Variants in LAMP2 observed in about 807,000 individuals in gnomAD.
LAMP2 encodes lysosome associated membrane protein 2, also known as lysosome-associated membrane glycoprotein 2.
A neutral mutation model predicts 25.6 loss-of-function variants in LAMP2; 4 were observed. That is an observed-to-expected ratio of 0.16 (90% CI 0.08 to 0.36). The LOEUF (loss-of-function observed/expected upper bound fraction) is 0.36, where lower values mean the gene tolerates loss of function less well. LAMP2 is among the 10% of genes least tolerant of loss of function. The pLI, the probability that LAMP2 is intolerant of heterozygous loss-of-function variation, is 1.00. For missense variants in LAMP2, 272 were observed against 301.4 expected, an observed-to-expected ratio of 0.90 and a Z score of 0.72; for synonymous variants, 108 against 112.7, an observed-to-expected ratio of 0.96 and a Z score of 0.27.
intron 3 of LAMP2, among the ~76,000 whole-genome samples, chrX:120,454,898 G>GAT (rs139348113): frequency 0.33 from 28,784 of 86,916 alleles, 4,578 homozygotes; most frequent in Middle Eastern, 0.45. Context: ...TATACTAGGA[G>GAT]ATATATATAT....
chrX:120,435,411 A>G (rs2058538985), intron 8 of LAMP2, among the ~76,000 whole-genome samples: 1 of 111,748 alleles, frequency 8.9e-6, no homozygotes, highest in Non-Finnish European at 1.9e-5. Context: ...TGAGCCCAAG[A>G]CAATTTAACA....
intron 6 of LAMP2, among the ~76,000 whole-genome samples, chrX:120,443,842 G>C (rs1056989731): frequency 1.8e-5 from 2 of 111,127 alleles, no homozygotes; most frequent in East Asian, 5.6e-4. Context: ...TTAGCCAGGC[G>C]TGGTGGCACA....
At chrX:120,443,894 T>C (rs1485826886) in intron 6 of LAMP2, among the ~76,000 whole-genome samples, 3 of 110,286 alleles carry the variant, frequency 2.7e-5, no homozygotes, top group Non-Finnish European at 5.7e-5. Context: ...GGCAGGAGAA[T>C]CGCTTGAATC....
chrX:120,460,759 T>C (rs1305645551), intron 1 of LAMP2, among the ~76,000 whole-genome samples: 1 of 111,896 alleles, frequency 8.9e-6, no homozygotes, highest in South Asian at 3.7e-4. Context: ...GAGACCAGCC[T>C]GGCCACCATG....
chrX:120,449,025 G>C lies in LAMP2; in HGVS notation c.501C>G (p.His167Gln). ...AAGCTTGTACAAGAACATCCCAGTA[G>C]TGTTGGACAACATCATTCTTTTCCA... ...STLEKNDVVQ[H>Q]YWDVLVQAFV... Residue 167 changes from histidine (H) to glutamine (Q), a missense_variant, in exon 4 of 9, where the codon CAC becomes CAG. Coordinates refer to ENST00000200639, the MANE Select transcript of LAMP2 (RefSeq NM_002294.3). 1 of 1,208,956 alleles carries C rather than the reference G, an allele frequency of 8.3e-7. No individual in the cohort carries two copies. Among genetic ancestry groups the C allele is most frequent in the Non-Finnish European group, 1.1e-6 (1 of 892,898 alleles).
rs2058520920 is a variant in LAMP2, at chrX:120,431,080, T to C, written c.*243A>G. The C allele has an allele frequency of 1.4e-5, 14 of 988,320 alleles. No individual in the cohort carries two copies. Among genetic ancestry groups the C allele is most frequent in the South Asian group, 5.1e-5 (2 of 38,929 alleles). 81.4% of individuals were successfully genotyped at this position (988,320 alleles called of 1,213,427 possible). A position where few individuals can be genotyped will look rare whatever the true frequency, so the allele number is the denominator to read the frequency against. ...GCTTCTTAAGATAGACCTTAAAACA[T>C]TGCACGTTGATGTTCTTTTGAACAA... On this transcript the variant is annotated 3_prime_UTR_variant, in exon 9 of 9. Transcript: ENST00000200639.
Position 120,430,518 on chromosome X carries a change from A to G in LAMP2, c.*805T>C, listed in dbSNP as rs1420025882. ...GTTCATAGAATATTTCTATCTTTCA[A>G]TACTAATCAGGCATCCAAAGAAGAA... On this transcript the variant is annotated 3_prime_UTR_variant, in exon 9 of 9. Transcript: ENST00000200639. 2.7e-6 allele frequency: 2 copies of G among 748,204 alleles called. No homozygotes were observed. Among genetic ancestry groups the G allele is most frequent in the Non-Finnish European group, 3.2e-6 (2 of 634,231 alleles). The allele number at this position is 748,204 out of a possible 1,213,427, so 61.7% of individuals were successfully genotyped here.
upstream of LAMP2, chrX:120,469,336 C>CG (rs760941179): frequency 9.8e-4 from 476 of 486,126 alleles, no homozygotes; most frequent in Non-Finnish European, 1.5e-3. Context: ...AGACTAGGGG[C>CG]GGGGCTCTTT....
Position 120,431,294 on chromosome X carries a change from T to G in LAMP2, c.*29A>C. On this transcript the variant is annotated 3_prime_UTR_variant, in exon 9 of 9. Coordinates refer to ENST00000200639, the MANE Select transcript of LAMP2 (RefSeq NM_002294.3). Reference sequence around the variant, plus strand: ...AAGAAAATCTTGTTATTTGCATGTATTTTTATATAATCAATCAGGTTGCAG... The same window carrying G: ...AAGAAAATCTTGTTATTTGCATGTAGTTTTATATAATCAATCAGGTTGCAG... 1 of 1,209,740 alleles carries G rather than the reference T, an allele frequency of 8.3e-7. No homozygotes were observed. The highest frequency in any genetic ancestry group is 1.1e-6 in the Non-Finnish European group (1 of 893,582).
Position 120,429,973 on chromosome X carries a change from G to T in LAMP2, c.*1350C>A, listed in dbSNP as rs1158260092. 14 of 752,338 alleles carry T rather than the reference G, an allele frequency of 1.9e-5. No individual in the cohort carries two copies. The highest frequency in any genetic ancestry group is 6.9e-5 in the African/African-American group (3 of 43,260). 62.0% of individuals were successfully genotyped at this position (752,338 alleles called of 1,213,427 possible). A position where few individuals can be genotyped will look rare whatever the true frequency, so the allele number is the denominator to read the frequency against. Reference sequence around the variant, plus strand: ...TACCATTCATAAAAATGTTGCTACGGTTCTGAGTACACAACACTCATCTCA... The same window carrying T: ...TACCATTCATAAAAATGTTGCTACGTTTCTGAGTACACAACACTCATCTCA... On this transcript the variant is annotated 3_prime_UTR_variant, in exon 9 of 9. Transcript: ENST00000200639.
At chrX:120,443,912 C>A (rs966102333) in intron 6 of LAMP2, among the ~76,000 whole-genome samples, 24 of 109,099 alleles carry the variant, frequency 2.2e-4, no homozygotes, top group African/African-American at 7.4e-4. Context: ...ATCTGGGAGG[C>A]GGAGGTTGTA....
intron 3 of LAMP2, among the ~76,000 whole-genome samples, chrX:120,450,370 C>T (rs1456073668): frequency 3.6e-5 from 4 of 111,808 alleles, no homozygotes; most frequent in Non-Finnish European, 5.6e-5. Context: ...GCTGCCTTGG[C>T]ACCCCCTAAT....
chrX:120,455,606 C>G (rs767424457), intron 2 of LAMP2, 36 bp from the exon 3 acceptor site: 1 of 1,065,288 alleles, frequency 9.4e-7, no homozygotes, highest in Non-Finnish European at 1.3e-6. Flanking sequence ...GAGAAACAAA[C>G]AGGCAGCAAG....
intron 1 of LAMP2, among the ~76,000 whole-genome samples, chrX:120,465,599 T>C (rs903996367): frequency 8.0e-5 from 9 of 112,004 alleles, no homozygotes; most frequent in Non-Finnish European, 7.5e-5. Context: ...TTTCTGTACT[T>C]ATTCTAAAGC....
chrX:120,465,387 C>T (rs1016458210), intron 1 of LAMP2, among the ~76,000 whole-genome samples: 50 of 111,055 alleles, frequency 4.5e-4, no homozygotes, highest in African/African-American at 1.5e-3. Flanking sequence ...CAGAAGAATC[C>T]TGAAATCTAT....
chrX:120,429,684 T>C lies in LAMP2; in HGVS notation c.*1639A>G. ...AAAGTGCCCAATTCTGATCTCATAA[T>C]TTCAAGTGTAAACCAGCTGTTGTTT... On this transcript the variant is annotated 3_prime_UTR_variant, in exon 9 of 9. Coordinates refer to ENST00000200639, the MANE Select transcript of LAMP2 (RefSeq NM_002294.3). 1 of 753,968 alleles carries C rather than the reference T, an allele frequency of 1.3e-6. No individual in the cohort carries two copies. Among genetic ancestry groups the C allele is most frequent in the Non-Finnish European group, 1.6e-6 (1 of 639,177 alleles). The allele number at this position is 753,968 out of a possible 1,213,427, so 62.1% of individuals were successfully genotyped here. A position where few individuals can be genotyped will look rare whatever the true frequency, so the allele number is the denominator to read the frequency against.
At position 120,446,372 on chromosome X, in the gene LAMP2, C is replaced by T. The variant is rs200934351; in HGVS notation, c.797G>A (p.Arg266His). 8.1e-5 allele frequency: 97 copies of T among 1,201,626 alleles called. No homozygotes were observed. Among genetic ancestry groups the T allele is most frequent in the Middle Eastern group, 2.3e-4 (1 of 4,340 alleles). ...GAGTCTAAGTAGAGCAGTGTGAGAA[C>T]GGCAGCTGCCTGTGGAGTGAGTTGT... Reference protein sequence around the residue: ...PNTTHSTGSCRSHTALLRLNS... With the variant: ...PNTTHSTGSCHSHTALLRLNS... Residue 266 changes from arginine (R) to histidine (H), a missense_variant, in exon 6 of 9, where the codon CGT becomes CAT. Coordinates refer to ENST00000200639, the MANE Select transcript of LAMP2 (RefSeq NM_002294.3).
In LAMP2 at chrX:120,458,883, G is replaced by A. The variant is rs191552711; in HGVS notation, c.65-2114C>T. 4.5e-3 allele frequency among the ~76,000 whole-genome samples: 495 copies of A among 111,134 alleles called. 5 individuals are homozygous for A. Among genetic ancestry groups the A allele is most frequent in the African/African-American group, 0.015 (463 of 30,592 alleles). On this transcript the variant is annotated intron_variant, in intron 1 of 8. Transcript: ENST00000200639. The stretch of plus-strand genomic sequence containing the variant: ...ATCTATCACCCCACACCTAAATTAT[G>A]ACAGAAAATGCCTAGATACCCCTAG...
intron 3 of LAMP2, among the ~76,000 whole-genome samples, chrX:120,451,928 G>A (rs2058622987): frequency 1.8e-5 from 2 of 111,924 alleles, no homozygotes. Context: ...GGGAAAGAGA[G>A]AAGTGTTAAC....
Sources: allele counts gnomAD v4.1 joint callset (sites outside exome capture counted in the v4.1 genomes callset), GRCh38; gene constraint gnomAD v4.1.1; transcripts MANE v1.5; gene names NCBI Gene and HGNC (gene_info 2026-07-23, HGNC 2026-07-21).